Variants in LAMP3 observed in about 807,000 individuals in gnomAD.
LAMP3 encodes lysosome-associated membrane glycoprotein 3.
Under a neutral mutation model 34.8 loss-of-function variants are expected in LAMP3, and 26 were observed. The observed-to-expected ratio is 0.75, with a 90% confidence interval of 0.55 to 1.04. The LOEUF (loss-of-function observed/expected upper bound fraction) is 1.04, where lower values mean the gene tolerates loss of function less well. LAMP3 is among the 50% of genes least tolerant of loss of function. LAMP3 has a pLI of 0.00. For synonymous variants in LAMP3, 180 were observed against 201.9 expected (o/e 0.89, Z 0.92); for missense variants, 495 against 524.0 (o/e 0.94, Z 0.54).
intron 4 of LAMP3, among the ~76,000 whole-genome samples, chr3:183,139,144 C>A (rs914788339): frequency 4.6e-5 from 7 of 152,294 alleles, no homozygotes; most frequent in South Asian, 2.1e-4. Context: ...AATCCCAGCA[C>A]TTTGGGAGGC....
At chr3:183,132,309 A>G in intron 5 of LAMP3, 1 of 917,320 alleles carries the variant, frequency 1.1e-6, no homozygotes, top group South Asian at 5.0e-5. Context: ...GCATATTAAG[A>G]TCATCTATAA....
chr3:183,157,465 G>A (rs1460345965), intron 1 of LAMP3, among the ~76,000 whole-genome samples: 2 of 152,184 alleles, frequency 1.3e-5, no homozygotes, highest in African/African-American at 4.8e-5. Context: ...AACCCGCGTT[G>A]CTGGTTCTCT....
At chr3:183,129,835 G>A (rs763138155) in intron 5 of LAMP3, among the ~76,000 whole-genome samples, 12 of 152,140 alleles carry the variant, frequency 7.9e-5, no homozygotes, top group Non-Finnish European at 1.8e-4. Context: ...CAGGACCACA[G>A]AACATGTATT....
At chr3:183,139,890 C>T (rs1229115596) in intron 4 of LAMP3, among the ~76,000 whole-genome samples, 1 of 152,230 alleles carries the variant, frequency 6.6e-6, no homozygotes, top group Non-Finnish European at 1.5e-5. Context: ...GCACTAACTA[C>T]ATTTTAGTAG....
At chr3:183,160,169 GACGTGA>G (rs1189804098) in intron 1 of LAMP3, among the ~76,000 whole-genome samples, 1 of 152,100 alleles carries the variant, frequency 6.6e-6, no homozygotes, top group Non-Finnish European at 1.5e-5. Flanking sequence ...AAACTTAACT[GACGTGA>G]ACTTAAATCC....
At chr3:183,133,439 C>A (rs1719987248) in intron 5 of LAMP3, among the ~76,000 whole-genome samples, 1 of 152,230 alleles carries the variant, frequency 6.6e-6, no homozygotes, top group Non-Finnish European at 1.5e-5. Flanking sequence ...ACTGCAACCT[C>A]CGCCTCCTGA....
intron 5 of LAMP3, chr3:183,132,273 G>C (rs1190453222): frequency 3.2e-6 from 3 of 934,066 alleles, no homozygotes; most frequent in Non-Finnish European, 3.8e-6. Context: ...TTACAATAGA[G>C]TAGGATATGT....
In LAMP3 at chr3:183,124,220, A is replaced by G; in HGVS notation, c.1118-6T>C. 6.4e-7 allele frequency: 1 copy of G among 1,566,132 alleles called. No individual in the cohort carries two copies. The highest frequency in any genetic ancestry group is 8.6e-7 in the Non-Finnish European group (1 of 1,160,998). On this transcript the variant is annotated splice_region_variant and splice_polypyrimidine_tract_variant and intron_variant, in intron 5 of 5. Coordinates refer to ENST00000265598, the MANE Select transcript of LAMP3 (RefSeq NM_014398.4). The stretch of plus-strand genomic sequence containing the variant: ...GTCAGACGAGCACTCATCCACTAAG[A>G]GAGAAAACAAATACAATACAGTGGG...
intron 2 of LAMP3, among the ~76,000 whole-genome samples, chr3:183,153,213 T>G (rs144023280): frequency 4.9e-4 from 74 of 151,582 alleles, no homozygotes; most frequent in African/African-American, 1.5e-3. Context: ...ATTGTTTTAG[T>G]GATTCCTTTA....
rs1720323354 is a variant in LAMP3, at chr3:183,142,757, G to T, written c.889-2162C>A. ...ATAACCATTGATGGGAAGCAGGACT[G>T]GCTACATAATGAATTTTTGGGGCTT... On this transcript the variant is annotated intron_variant, in intron 3 of 5. Coordinates refer to ENST00000265598, the MANE Select transcript of LAMP3 (RefSeq NM_014398.4). Among the ~76,000 whole-genome samples the T allele has an allele frequency of 2.0e-5, 3 of 152,154 alleles. No individual in the cohort carries two copies. In the South Asian group the frequency reaches 6.2e-4, roughly 32 times the overall value.
Position 183,128,666 on chromosome 3 carries a change from A to G in LAMP3, c.1118-4452T>C, listed in dbSNP as rs549686361. ...CAACATCCTCCCATCTCAGCCTTCCAAGTAGTTTGGGACTACAGTCATGTG... is the reference window on the plus strand; with the variant it reads ...CAACATCCTCCCATCTCAGCCTTCCGAGTAGTTTGGGACTACAGTCATGTG... On this transcript the variant is annotated intron_variant, in intron 5 of 5. Coordinates refer to ENST00000265598, the MANE Select transcript of LAMP3 (RefSeq NM_014398.4). 4.6e-5 allele frequency among the ~76,000 whole-genome samples: 7 copies of G among 152,276 alleles called. No homozygotes were observed. The East Asian group carries it at 1.2e-3, about 25-fold the overall frequency.
Position 183,156,354 on chromosome 3 carries a change from G to A in LAMP3, c.50-1963C>T, listed in dbSNP as rs982707312. On this transcript the variant is annotated intron_variant, in intron 1 of 5. Transcript: ENST00000265598. ...CTAGCCTGGGCAATAAAAGCAAAACGCTGTCTCAAAAACAACAACAACAAC... is the reference window on the plus strand; with the variant it reads ...CTAGCCTGGGCAATAAAAGCAAAACACTGTCTCAAAAACAACAACAACAAC... Among the ~76,000 whole-genome samples the A allele has an allele frequency of 1.1e-4, 10 of 89,328 alleles. No individual in the cohort carries two copies. The East Asian group carries it at 2.2e-3, about 20-fold the overall frequency. The allele number at this position is 89,328 out of a possible 152,430, so 58.6% of individuals were successfully genotyped here. A position where few individuals can be genotyped will look rare whatever the true frequency, so the allele number is the denominator to read the frequency against.
At chr3:183,138,067 C>T (rs1342956051) in intron 4 of LAMP3, among the ~76,000 whole-genome samples, 1 of 152,054 alleles carries the variant, frequency 6.6e-6, no homozygotes, top group Non-Finnish European at 1.5e-5. Context: ...AGGTGATCTG[C>T]CCACCTCAGC....
chr3:183,160,825 G>T (rs572259849), intron 1 of LAMP3: 1 of 152,120 alleles, frequency 6.6e-6, no homozygotes, highest in Non-Finnish European at 1.5e-5. Flanking sequence ...CTATTTCCTC[G>T]CAAGTAAAAC....
At chr3:183,131,282 A>G (rs145723679) in intron 5 of LAMP3, among the ~76,000 whole-genome samples, 128 of 152,330 alleles carry the variant, frequency 8.4e-4, no homozygotes, top group African/African-American at 3.0e-3. Context: ...TCCACATGCT[A>G]GAAGGTAAAT....
chr3:183,150,680 C>T (rs1052764928), intron 3 of LAMP3, among the ~76,000 whole-genome samples: 1 of 150,524 alleles, frequency 6.6e-6, no homozygotes, highest in Non-Finnish European at 1.5e-5. Flanking sequence ...CCTTAGCCTC[C>T]TGAGTAGCTA....
chr3:183,161,582 G>T (rs1481427854), intron 1 of LAMP3, among the ~76,000 whole-genome samples: 1 of 151,846 alleles, frequency 6.6e-6, no homozygotes, highest in East Asian at 1.9e-4. Context: ...GTAGAGGCGG[G>T]GTTTCACCGG....
intron 3 of LAMP3, among the ~76,000 whole-genome samples, chr3:183,142,743 T>C (rs1720323028): frequency 6.6e-6 from 1 of 152,154 alleles, no homozygotes; most frequent in Admixed American, 6.5e-5. Flanking sequence ...TAACCATTGA[T>C]GGGAAGCAGG....
In LAMP3 at chr3:183,161,171, G is replaced by A. The variant is rs114857001; in HGVS notation, c.49+1436C>T. On this transcript the variant is annotated intron_variant, in intron 1 of 5. Transcript: ENST00000265598. ...AGGGAACTGAGCACCCGAAAGGTTG[G>A]GTGATGTGAACAAGGCCTCCCTGCT... is the stretch of plus-strand genomic sequence containing the variant. Among the ~76,000 whole-genome samples the A allele has an allele frequency of 7.0e-3, 1,064 of 152,246 alleles. 8 individuals carry two copies. The highest frequency in any genetic ancestry group is 0.011 in the Non-Finnish European group (721 of 68,018).
Sources: allele counts gnomAD v4.1 joint callset (sites outside exome capture counted in the v4.1 genomes callset), GRCh38; gene constraint gnomAD v4.1.1; transcripts MANE v1.5; gene names NCBI Gene and HGNC (gene_info 2026-07-23, HGNC 2026-07-21).